The following TAOK3 variants were observed in gnomAD, a reference collection of about 807,000 sequenced individuals.
The protein encoded by TAOK3 is serine/threonine-protein kinase TAO3.
In TAOK3, 40 loss-of-function variants were observed where a neutral mutation model predicts 120.4. That is an observed-to-expected ratio of 0.33 (90% CI 0.26 to 0.43). TAOK3 has a LOEUF of 0.43. Ranked by LOEUF, TAOK3 falls within the 20% of genes least tolerant of loss-of-function variation. The pLI is 1.00. For missense variants in TAOK3, 821 were observed against 1,112.1 expected (o/e 0.74, Z 3.72); for synonymous variants, 355 against 387.5 (o/e 0.92, Z 0.99).
intron 1 of TAOK3, among the ~76,000 whole-genome samples, chr12:118,335,059 C>A (rs888124131): frequency 1.3e-5 from 2 of 151,672 alleles, no homozygotes; most frequent in Non-Finnish European, 2.9e-5. Context: ...GTGGTATATG[C>A]CTGTAATCCC....
chr12:118,262,242 G>A (rs2041259613), intron 2 of TAOK3, among the ~76,000 whole-genome samples: 1 of 152,078 alleles, frequency 6.6e-6, no homozygotes. Flanking sequence ...CTAGCACTTT[G>A]GGTGGCCGAG....
chr12:118,314,357 G>T (rs1313056862), intron 1 of TAOK3, among the ~76,000 whole-genome samples: 1 of 152,078 alleles, frequency 6.6e-6, no homozygotes, highest in Non-Finnish European at 1.5e-5. Flanking sequence ...ATACTATTGA[G>T]ATACAACTAA....
At chr12:118,364,725 C>T (rs1280928321) in intron 1 of TAOK3, among the ~76,000 whole-genome samples, 1 of 151,908 alleles carries the variant, frequency 6.6e-6, no homozygotes, top group Admixed American at 6.6e-5. Flanking sequence ...CTGGCCAACA[C>T]GGTGAAATCC....
chr12:118,290,927 G>A (rs1330717552), intron 1 of TAOK3, among the ~76,000 whole-genome samples: 1 of 148,994 alleles, frequency 6.7e-6, no homozygotes, highest in Non-Finnish European at 1.5e-5. Context: ...GGAGTCTGTT[G>A]CCCAGGCTGG....
chr12:118,173,219 G>A (rs538377448), intron 16 of TAOK3, among the ~76,000 whole-genome samples: 1 of 152,292 alleles, frequency 6.6e-6, no homozygotes, highest in East Asian at 1.9e-4. Flanking sequence ...AAACCCTAGG[G>A]GTTGGAGAGG....
chr12:118,202,320 T>C (rs1281891183), intron 11 of TAOK3, among the ~76,000 whole-genome samples: 1 of 152,078 alleles, frequency 6.6e-6, no homozygotes, highest in Non-Finnish European at 1.5e-5. Flanking sequence ...AATGCTGTGA[T>C]GAACATGGGG....
intron 1 of TAOK3, among the ~76,000 whole-genome samples, chr12:118,273,900 A>C (rs2041815316): frequency 6.6e-6 from 1 of 152,244 alleles, no homozygotes; most frequent in Non-Finnish European, 1.5e-5. Flanking sequence ...CACGCTTCAC[A>C]GTAAACCAGC....
chr12:118,260,632 GAC>G (rs1481550134), intron 2 of TAOK3, among the ~76,000 whole-genome samples: 1 of 152,104 alleles, frequency 6.6e-6, no homozygotes, highest in Non-Finnish European at 1.5e-5. Flanking sequence ...GTAAAGCAGA[GAC>G]AGACAAAATA....
chr12:118,243,160 T>C (rs1326970128), intron 5 of TAOK3, among the ~76,000 whole-genome samples: 3 of 152,098 alleles, frequency 2.0e-5, no homozygotes, highest in Non-Finnish European at 4.4e-5. Flanking sequence ...CAAATAATTA[T>C]AAAATGATGT....
chr12:118,199,320 A>G, intron 12 of TAOK3, 63 bp from the exon 13 acceptor site: 2 of 1,339,234 alleles, frequency 1.5e-6, no homozygotes, highest in Admixed American at 3.6e-5. Context: ...ATCCATTGAC[A>G]AAAGTGTCAA....
chr12:118,368,321 C>A lies in TAOK3; in HGVS notation c.-194+4327G>T, dbSNP rs143071196. ...GAGCGATTCTCCTGCCTCAGCCTCC[C>A]GGGTAGCTGGAATTACAGGCGCCTG... On this transcript the variant is annotated intron_variant, in intron 1 of 20. Transcript: ENST00000392533. Among the ~76,000 whole-genome samples, 1,501 of 152,098 alleles carry A rather than the reference C, an allele frequency of 9.9e-3. 15 individuals carry two copies. The highest frequency in any genetic ancestry group is 0.034 in the African/African-American group (1,414 of 41,520).
At chr12:118,254,028 C>A (rs1418277609) in intron 3 of TAOK3, among the ~76,000 whole-genome samples, 1 of 152,244 alleles carries the variant, frequency 6.6e-6, no homozygotes, top group Admixed American at 6.5e-5. Context: ...GTACTCCAGC[C>A]TGGGCTACAG....
intron 11 of TAOK3, among the ~76,000 whole-genome samples, chr12:118,208,439 A>C (rs2038448762): frequency 6.6e-6 from 1 of 152,136 alleles, no homozygotes; most frequent in African/African-American, 2.4e-5. Context: ...AAAAAATCCA[A>C]GATCTACTAT....
At chr12:118,364,452 T>C (rs1170421689) in intron 1 of TAOK3, among the ~76,000 whole-genome samples, 5 of 152,202 alleles carry the variant, frequency 3.3e-5, no homozygotes, top group Non-Finnish European at 5.9e-5. Context: ...CCATGGTCTC[T>C]GTGACCTTTG....
chr12:118,330,616 CAAAAGAAG>C (rs1215124351), intron 1 of TAOK3, among the ~76,000 whole-genome samples: 1 of 147,244 alleles, frequency 6.8e-6, no homozygotes, highest in Non-Finnish European at 1.5e-5. Flanking sequence ...CTTTAGGTTA[CAAAAGAAG>C]ATAGCTGCTA....
chr12:118,187,601 T>G (rs2037153596), intron 14 of TAOK3, among the ~76,000 whole-genome samples: 1 of 152,036 alleles, frequency 6.6e-6, no homozygotes. Flanking sequence ...CTTCCATTTT[T>G]TTTCCCCTCC....
intron 1 of TAOK3, among the ~76,000 whole-genome samples, chr12:118,277,345 T>A (rs941706927): frequency 6.6e-6 from 1 of 152,150 alleles, no homozygotes; most frequent in African/African-American, 2.4e-5. Context: ...TTCTCATTTG[T>A]CTAAGACAAT....
chr12:118,327,811 T>C (rs564505134), intron 1 of TAOK3, among the ~76,000 whole-genome samples: 173 of 152,344 alleles, frequency 1.1e-3, no homozygotes, highest in African/African-American at 4.0e-3. Flanking sequence ...AAGGTCCACT[T>C]GCTCTGTATC....
chr12:118,166,845 CAT>C (rs376430378), intron 17 of TAOK3, among the ~76,000 whole-genome samples: 1,577 of 124,054 alleles, frequency 0.013, 50 homozygotes, highest in East Asian at 0.065. Context: ...CACACACACA[CAT>C]ACACACACAC....
Sources: gnomAD v4.1 joint callset for allele counts (sites outside exome capture counted in the v4.1 genomes callset) on GRCh38, gnomAD v4.1.1 for gene constraint, MANE v1.5 for transcripts, NCBI Gene and HGNC (gene_info 2026-07-23, HGNC 2026-07-21) for gene names.